Variants in ULK4 observed in about 807,000 individuals in gnomAD.
ULK4 encodes inactive serine/threonine-protein kinase ULK4.
A neutral mutation model predicts 160.6 loss-of-function variants in ULK4; 133 were observed. The ratio of observed to expected loss-of-function variants is 0.83; its 90% confidence interval spans 0.72 to 0.96. ULK4 has a LOEUF of 0.96. Ranked by LOEUF, ULK4 falls within the 40% of genes least tolerant of loss-of-function variation. The pLI is 0.00. For synonymous variants in ULK4, 534 were observed against 539.8 expected, an observed-to-expected ratio of 0.99 and a Z score of 0.15; for missense variants, 1,580 against 1,499.5, an observed-to-expected ratio of 1.05 and a Z score of -0.89.
chr3:41,731,067 G>A (rs1439223567), intron 22 of ULK4, among the ~76,000 whole-genome samples: 1 of 151,938 alleles, frequency 6.6e-6, no homozygotes, highest in Non-Finnish European at 1.5e-5. Context: ...CAAACCCATG[G>A]CTAAATGTAA....
intron 35 of ULK4, among the ~76,000 whole-genome samples, chr3:41,270,018 T>C (rs2079112237): frequency 6.6e-6 from 1 of 150,586 alleles, no homozygotes; most frequent in Admixed American, 6.6e-5. Flanking sequence ...AATATATATG[T>C]ATCATATTAG....
At chr3:41,840,061 T>C (rs2041865505) in intron 17 of ULK4, among the ~76,000 whole-genome samples, 1 of 152,248 alleles carries the variant, frequency 6.6e-6, no homozygotes, top group South Asian at 2.1e-4. Flanking sequence ...CAATTCTTTA[T>C]AGATATCAAA....
chr3:41,408,853 G>A (rs2082350950), intron 34 of ULK4, among the ~76,000 whole-genome samples: 1 of 152,172 alleles, frequency 6.6e-6, no homozygotes. Context: ...CAATTCAATA[G>A]AGGGAAAATA....
intron 20 of ULK4, among the ~76,000 whole-genome samples, chr3:41,793,359 A>C (rs977247879): frequency 3.3e-5 from 5 of 152,198 alleles, no homozygotes; most frequent in African/African-American, 1.2e-4. Flanking sequence ...CTCACTCAAA[A>C]TTGAAGGCTG....
chr3:41,675,056 A>G (rs763400933), intron 29 of ULK4, among the ~76,000 whole-genome samples: 3 of 152,078 alleles, frequency 2.0e-5, no homozygotes, highest in Non-Finnish European at 4.4e-5. Flanking sequence ...CCTGGCCAAC[A>G]TGGTGAAACC....
At chr3:41,941,339 G>A (rs375841015) in intron 2 of ULK4, among the ~76,000 whole-genome samples, 215 of 101,218 alleles carry the variant, frequency 2.1e-3, no homozygotes, top group Admixed American at 3.6e-3. Context: ...TGCCCAGCTT[G>A]AAAAAAAAAA....
At chr3:41,307,653 C>T (rs1333674329) in intron 35 of ULK4, among the ~76,000 whole-genome samples, 6 of 151,952 alleles carry the variant, frequency 3.9e-5, no homozygotes, top group Non-Finnish European at 5.9e-5. Context: ...ACAGTGAGAC[C>T]CCATCTCTAC....
At chr3:41,858,669 G>GTTTTTTTT (rs1553675928) in intron 17 of ULK4, among the ~76,000 whole-genome samples, 1 of 126,984 alleles carries the variant, frequency 7.9e-6, no homozygotes, top group African/African-American at 3.5e-5. Context: ...ATTTTTGTGT[G>GTTTTTTTT]ATTTTTTTTT....
At position 41,664,956 on chromosome 3, in the gene ULK4, C is replaced by A. The variant is rs183582676; in HGVS notation, c.2979-1257G>T. Among the ~76,000 whole-genome samples the A allele has an allele frequency of 2.0e-3, 310 of 152,216 alleles. 3 individuals are homozygous for A. Among genetic ancestry groups the A allele is most frequent in the Admixed American group, 0.018 (273 of 15,290 alleles). Reference sequence around the variant, plus strand: ...AGGCTGGTTTATGTACTATGTCTTACCTATTTGAGGTTTGCTCTCCAGTAT... The same window carrying A: ...AGGCTGGTTTATGTACTATGTCTTAACTATTTGAGGTTTGCTCTCCAGTAT... On this transcript the variant is annotated intron_variant, in intron 29 of 36. Transcript: ENST00000301831.
intron 1 of ULK4, among the ~76,000 whole-genome samples, chr3:41,958,570 G>A (rs1427225906): frequency 6.6e-6 from 1 of 151,390 alleles, no homozygotes; most frequent in Non-Finnish European, 1.5e-5. Context: ...AAATTATCCA[G>A]GAATGGTGGC....
chr3:41,587,604 C>T (rs114578818), intron 31 of ULK4, among the ~76,000 whole-genome samples: 1,663 of 152,148 alleles, frequency 0.011, 28 homozygotes, highest in African/African-American at 0.037. Flanking sequence ...TACCTTAGTT[C>T]CCTCAATTCC....
intron 31 of ULK4, among the ~76,000 whole-genome samples, chr3:41,602,382 G>A (rs900850838): frequency 2.7e-5 from 4 of 150,630 alleles, no homozygotes; most frequent in African/African-American, 7.3e-5. Context: ...AAAAGGAAGG[G>A]AAGGAGAATT....
intron 30 of ULK4, among the ~76,000 whole-genome samples, chr3:41,622,984 A>G (rs934657091): frequency 1.3e-5 from 2 of 152,228 alleles, no homozygotes; most frequent in Non-Finnish European, 2.9e-5. Context: ...AACTTTATTT[A>G]TAAACAACAG....
chr3:41,357,261 T>C (rs182231105), intron 35 of ULK4, among the ~76,000 whole-genome samples: 2 of 152,278 alleles, frequency 1.3e-5, no homozygotes, highest in African/African-American at 4.8e-5. Flanking sequence ...TTGTCCCAGG[T>C]TTCCCAGTGT....
chr3:41,455,650 CA>C lies in ULK4; in HGVS notation c.3394-56del, dbSNP rs2083529920. ...GGTCTTGGTGATTAGTCAGCTTGGC[CA>C]AAGGAAACAGGACCACTCCATCGGG... is the stretch of plus-strand genomic sequence containing the variant. On this transcript the variant is annotated intron_variant, in intron 33 of 36. Coordinates refer to ENST00000301831, the MANE Select transcript of ULK4 (RefSeq NM_017886.4). 3.8e-5 allele frequency: 59 copies of C among 1,549,730 alleles called. 1 individual carries two copies. The Middle Eastern group carries it at 5.9e-3, about 154-fold the overall frequency.
Position 41,451,920 on chromosome 3 carries a change from TA to T in ULK4, c.3492+3576del, listed in dbSNP as rs1224789955. On this transcript the variant is annotated intron_variant, in intron 34 of 36. Transcript: ENST00000301831. ...GGTACCCTCTTGTGTTTAAATTTTA[TA>T]AAAAACAGAAAAAGAATAGTGAGAG... is the stretch of plus-strand genomic sequence containing the variant. 1.8e-4 allele frequency among the ~76,000 whole-genome samples: 27 copies of T among 152,050 alleles called. 1 individual carries two copies. Among genetic ancestry groups the T allele is most frequent in the Admixed American group, 1.7e-3 (26 of 15,256 alleles).
chr3:41,652,135 T>G (rs1256735793), intron 30 of ULK4, among the ~76,000 whole-genome samples: 1 of 152,124 alleles, frequency 6.6e-6, no homozygotes, highest in African/African-American at 2.4e-5. Flanking sequence ...AATGAAATGT[T>G]TACTGAATTA....
intron 32 of ULK4, among the ~76,000 whole-genome samples, chr3:41,560,932 G>T (rs1203283049): frequency 1.3e-5 from 2 of 152,176 alleles, no homozygotes; most frequent in Non-Finnish European, 2.9e-5. Flanking sequence ...AGGCATCCTT[G>T]TCTTGTGCCA....
chr3:41,546,105 T>G (rs1411901520), intron 32 of ULK4, among the ~76,000 whole-genome samples: 1 of 152,290 alleles, frequency 6.6e-6, no homozygotes, highest in South Asian at 2.1e-4. Flanking sequence ...GCTGACATTT[T>G]ATTATTATTA....
Sources: gnomAD v4.1 joint callset for allele counts (sites outside exome capture counted in the v4.1 genomes callset) on GRCh38, gnomAD v4.1.1 for gene constraint, MANE v1.5 for transcripts, NCBI Gene and HGNC (gene_info 2026-07-23, HGNC 2026-07-21) for gene names.